Variants in MAPK10 observed in about 807,000 individuals in gnomAD.
The protein encoded by MAPK10 is mitogen-activated protein kinase 10, also known as JNK3 alpha protein kinase.
MAPK10 carries 25 observed loss-of-function variants against 59.3 expected under a neutral mutation model. The ratio of observed to expected loss-of-function variants is 0.42; its 90% CI spans 0.31 to 0.59. The LOEUF (loss-of-function observed/expected upper bound fraction) is 0.59. Among genes scored for constraint, MAPK10 ranks in the 20% least tolerant of loss-of-function variants. The pLI, the probability that MAPK10 is intolerant of heterozygous loss-of-function variation, is 0.15. For synonymous variants in MAPK10, 190 were observed against 200.5 expected, an observed-to-expected ratio of 0.95 and a Z score of 0.44; for missense variants, 351 against 568.9, an observed-to-expected ratio of 0.62 and a Z score of 3.90.
At chr4:86,226,188 G>A (rs1185002602) in intron 2 of MAPK10, among the ~76,000 whole-genome samples, 1 of 152,172 alleles carries the variant, frequency 6.6e-6, no homozygotes, top group Non-Finnish European at 1.5e-5. Context: ...AGCAAGCCTG[G>A]CAGGCATGAT....
rs111432561 is a variant in MAPK10, at chr4:86,272,750, T to C, written c.-6-78343A>G. ...CAGGGCAAATCACATGACATTTGCC[T>C]GTAACCAAATTTCACCTTTTCCAGG... On this transcript the variant is annotated intron_variant, in intron 2 of 13. Coordinates refer to ENST00000641462, the MANE Select transcript of MAPK10 (RefSeq NM_138982.4). Among the ~76,000 whole-genome samples the C allele has an allele frequency of 1.5e-3, 229 of 152,182 alleles. 1 individual carries two copies. Among genetic ancestry groups the C allele is most frequent in the Middle Eastern group, 0.01 (3 of 294 alleles).
At chr4:86,096,841 C>A (rs997617983) in intron 9 of MAPK10, among the ~76,000 whole-genome samples, 1 of 151,772 alleles carries the variant, frequency 6.6e-6, no homozygotes, top group African/African-American at 2.4e-5. Flanking sequence ...CATATGAAAT[C>A]TAATGGTGAA....
At chr4:86,068,939 G>C (rs2047246351) in intron 9 of MAPK10, among the ~76,000 whole-genome samples, 1 of 152,084 alleles carries the variant, frequency 6.6e-6, no homozygotes, top group South Asian at 2.1e-4. Context: ...AGAGATCTTG[G>C]AAATTCCCTT....
At chr4:86,593,404 A>C (rs924929397) in intron 1 of MAPK10, among the ~76,000 whole-genome samples, 10 of 152,144 alleles carry the variant, frequency 6.6e-5, no homozygotes, top group Non-Finnish European at 1.5e-4. Context: ...AAATCACAGG[A>C]TATTATTTGT....
intron 9 of MAPK10, among the ~76,000 whole-genome samples, chr4:86,087,449 A>T (rs2149042621): frequency 6.6e-6 from 1 of 152,214 alleles, no homozygotes; most frequent in East Asian, 1.9e-4. Flanking sequence ...GTTTTTTAAA[A>T]TCCCTCCTGA....
upstream of MAPK10, among the ~76,000 whole-genome samples, chr4:86,453,935 CAG>C (rs1321764853): frequency 3.3e-5 from 5 of 152,330 alleles, no homozygotes; most frequent in Admixed American, 6.5e-5. Flanking sequence ...GTTCACATCA[CAG>C]GACTCTGTGC....
At chr4:86,106,032 G>T (rs1289035983) in intron 5 of MAPK10, among the ~76,000 whole-genome samples, 1 of 152,226 alleles carries the variant, frequency 6.6e-6, no homozygotes, top group Non-Finnish European at 1.5e-5. Flanking sequence ...CACATGGGCA[G>T]CAATTTGTCT....
At chr4:86,448,889 T>C (rs150000093) in intron 1 of MAPK10, among the ~76,000 whole-genome samples, 1,792 of 152,256 alleles carry the variant, frequency 0.012, 23 homozygotes, top group Non-Finnish European at 0.018. Flanking sequence ...CTGGGGGTGA[T>C]AGGAGACAGT....
At chr4:86,367,874 C>T (rs1564739906) in intron 1 of MAPK10, among the ~76,000 whole-genome samples, 1 of 152,224 alleles carries the variant, frequency 6.6e-6, no homozygotes, top group Non-Finnish European at 1.5e-5. Flanking sequence ...CCAAACCCAT[C>T]TTGGTTCTGC....
rs567947232 is a variant in MAPK10, at chr4:86,494,842, C to CAAAAAAAAAAA, written c.-263+99057_-263+99067dup. Reference sequence around the variant, plus strand: ...TGGGCGACAGAGAGAGACTCCGTCTCAAAAAAAAAAAAAAAAAAAAAAAAA... The same window carrying CAAAAAAAAAAA: ...TGGGCGACAGAGAGAGACTCCGTCTCAAAAAAAAAAAAAAAAAAAAAAAAAAAAAAAAAAAA... On this transcript the variant is annotated intron_variant, in intron 1 of 4. Transcript: ENST00000502302. 4.2e-4 allele frequency among the ~76,000 whole-genome samples: 10 copies of CAAAAAAAAAAA among 23,988 alleles called. 3 individuals carry two copies. The highest frequency in any genetic ancestry group is 1.2e-3 in the African/African-American group (5 of 4,210). The allele number at this position is 23,988 out of a possible 152,430, so 15.7% of individuals were successfully genotyped here.
chr4:86,061,098 T>C (rs2045671879), intron 11 of MAPK10, among the ~76,000 whole-genome samples: 1 of 152,180 alleles, frequency 6.6e-6, no homozygotes, highest in South Asian at 2.1e-4. Context: ...GTACATATGA[T>C]AAGAAAGGAG....
At chr4:86,190,643 T>C (rs545766952) in intron 3 of MAPK10, among the ~76,000 whole-genome samples, 250 of 152,262 alleles carry the variant, frequency 1.6e-3, no homozygotes, top group African/African-American at 5.8e-3. Flanking sequence ...TCTTTTCCTC[T>C]TTATTAGTCT....
intron 2 of MAPK10, among the ~76,000 whole-genome samples, chr4:86,239,640 G>A (rs944382834): frequency 5.3e-5 from 8 of 152,098 alleles, no homozygotes; most frequent in African/African-American, 1.7e-4. Flanking sequence ...TTGCTTAGAG[G>A]TGTTTATACT....
intron 1 of MAPK10, among the ~76,000 whole-genome samples, chr4:86,584,958 C>T (rs1388869604): frequency 1.3e-5 from 2 of 152,052 alleles, no homozygotes; most frequent in Non-Finnish European, 2.9e-5. Context: ...ATATCCAATC[C>T]AGGACTTTTA....
intron 1 of MAPK10, among the ~76,000 whole-genome samples, chr4:86,480,745 A>G (rs1376522148): frequency 6.6e-6 from 1 of 152,222 alleles, no homozygotes; most frequent in Non-Finnish European, 1.5e-5. Flanking sequence ...CATAAGGGTT[A>G]CAGCTGTCAT....
chr4:86,433,555 C>CTTCTTTTTTTTTTT (rs1424833074), intron 1 of MAPK10, among the ~76,000 whole-genome samples: 2 of 97,604 alleles, frequency 2.0e-5, no homozygotes, highest in African/African-American at 8.0e-5. Context: ...GGGCCTTCTT[C>CTTCTTTTTTTTTTT]TTTTTTTTTT....
chr4:86,256,181 T>G (rs2093698701), intron 2 of MAPK10, among the ~76,000 whole-genome samples: 1 of 152,234 alleles, frequency 6.6e-6, no homozygotes, highest in African/African-American at 2.4e-5. Flanking sequence ...TAACATTGTC[T>G]GTAGCTTTTG....
At chr4:86,308,440 T>A (rs1387902603) in intron 2 of MAPK10, among the ~76,000 whole-genome samples, 2 of 152,200 alleles carry the variant, frequency 1.3e-5, no homozygotes, top group Admixed American at 6.5e-5. Context: ...CTTTGCTGAA[T>A]TGCTGTCTTG....
intron 2 of MAPK10, among the ~76,000 whole-genome samples, chr4:86,214,358 A>G (rs2148615557): frequency 6.6e-6 from 1 of 152,098 alleles, no homozygotes; most frequent in African/African-American, 2.4e-5. Context: ...CCTTCTATTC[A>G]ACAAATTTCT....
Sources: allele counts gnomAD v4.1 joint callset (sites outside exome capture counted in the v4.1 genomes callset), GRCh38; gene constraint gnomAD v4.1.1; transcripts MANE v1.5; gene names NCBI Gene and HGNC (gene_info 2026-07-23, HGNC 2026-07-21).